The following PDE4D variants were observed in gnomAD, a reference collection of about 807,000 sequenced individuals.
The protein encoded by PDE4D is phosphodiesterase 4D.
Under a neutral mutation model 87.4 loss-of-function variants are expected in PDE4D, and 24 were observed. That is an observed-to-expected ratio of 0.27 (90% CI 0.20 to 0.39). The LOEUF (loss-of-function observed/expected upper bound fraction) is 0.39. PDE4D is among the 10% of genes least tolerant of loss of function. PDE4D has a pLI of 1.00. For missense variants in PDE4D, 714 were observed against 1,041.0 expected, an observed-to-expected ratio of 0.69 and a Z score of 4.32; for synonymous variants, 384 against 383.2, an observed-to-expected ratio of 1.00 and a Z score of -0.02.
At chr5:59,056,556 C>A (rs1276149433) in intron 5 of PDE4D, among the ~76,000 whole-genome samples, 1 of 152,018 alleles carries the variant, frequency 6.6e-6, no homozygotes, top group Non-Finnish European at 1.5e-5. Context: ...GGTTTTAAGA[C>A]CCGCATGCAT....
At chr5:60,410,580 G>A (rs1490340096) in intron 1 of PDE4D, among the ~76,000 whole-genome samples, 2 of 152,196 alleles carry the variant, frequency 1.3e-5, no homozygotes, top group Non-Finnish European at 2.9e-5. Flanking sequence ...CGCCCATCTG[G>A]ATGAGATGTC....
At chr5:59,357,881 C>T (rs892340436) in intron 1 of PDE4D, among the ~76,000 whole-genome samples, 3 of 152,154 alleles carry the variant, frequency 2.0e-5, no homozygotes, top group African/African-American at 7.2e-5. Context: ...CACTGCCCCG[C>T]GGGTGACCTC....
At chr5:60,201,465 T>C (rs1004213967) in intron 1 of PDE4D, among the ~76,000 whole-genome samples, 2 of 152,070 alleles carry the variant, frequency 1.3e-5, no homozygotes, top group Non-Finnish European at 2.9e-5. Context: ...TTAAAAAACA[T>C]GTTTCTAAAG....
chr5:59,386,829 T>C (rs1414673776), intron 1 of PDE4D, among the ~76,000 whole-genome samples: 1 of 152,078 alleles, frequency 6.6e-6, no homozygotes, highest in Admixed American at 6.6e-5. Context: ...CTACAAGAAT[T>C]CCTTTACCTT....
chr5:59,224,293 T>TACAC (rs35273659), intron 1 of PDE4D, among the ~76,000 whole-genome samples: 1,841 of 135,476 alleles, frequency 0.014, 20 homozygotes, highest in African/African-American at 0.025. Flanking sequence ...CACACACACA[T>TACAC]ACACACACAC....
upstream of PDE4D, chr5:60,491,613 G>C (rs1306123887): frequency 6.6e-6 from 1 of 152,172 alleles, no homozygotes; most frequent in Non-Finnish European, 1.5e-5. Context: ...CTTGCTCTTT[G>C]TCTAAGTTTC....
intron 1 of PDE4D, among the ~76,000 whole-genome samples, chr5:59,238,863 A>G (rs1331862184): frequency 6.6e-6 from 1 of 152,218 alleles, no homozygotes; most frequent in African/African-American, 2.4e-5. Context: ...GGTACTTTTG[A>G]CTTTAAGACA....
intron 1 of PDE4D, among the ~76,000 whole-genome samples, chr5:59,481,239 G>A (rs993995780): frequency 2.0e-5 from 3 of 152,004 alleles, no homozygotes; most frequent in African/African-American, 7.2e-5. Context: ...GGCATGCTAA[G>A]ACCTAACTCT....
chr5:59,000,183 T>A (rs1750200587), intron 6 of PDE4D, among the ~76,000 whole-genome samples: 1 of 152,212 alleles, frequency 6.6e-6, no homozygotes, highest in African/African-American at 2.4e-5. Context: ...CTTGCAGTGA[T>A]GAATAATGAC....
intron 1 of PDE4D, among the ~76,000 whole-genome samples, chr5:59,414,837 C>A (rs1336420851): frequency 6.6e-6 from 1 of 152,128 alleles, no homozygotes; most frequent in Non-Finnish European, 1.5e-5. Context: ...GTGTGGAGGG[C>A]CATGACAGCA....
chr5:59,388,868 A>G (rs1203501994), intron 1 of PDE4D, among the ~76,000 whole-genome samples: 1 of 152,098 alleles, frequency 6.6e-6, no homozygotes, highest in Non-Finnish European at 1.5e-5. Context: ...TGTAGCAAAT[A>G]TATTTCATCA....
At chr5:59,189,105 T>C (rs1430150034) in intron 3 of PDE4D, among the ~76,000 whole-genome samples, 1 of 152,114 alleles carries the variant, frequency 6.6e-6, no homozygotes, top group Non-Finnish European at 1.5e-5. Context: ...ATATTGGTTA[T>C]ATTTTATTAC....
intron 1 of PDE4D, among the ~76,000 whole-genome samples, chr5:59,723,363 C>T (rs1756128841): frequency 6.6e-6 from 1 of 152,060 alleles, no homozygotes; most frequent in African/African-American, 2.4e-5. Flanking sequence ...AGAGTAAATA[C>T]CTCATAGAAT....
chr5:59,081,518 T>TAAA (rs35050580), intron 5 of PDE4D, among the ~76,000 whole-genome samples: 5 of 135,438 alleles, frequency 3.7e-5, no homozygotes, highest in African/African-American at 1.4e-4. Flanking sequence ...AGTAATCAGG[T>TAAA]AAAAAAAAAA....
chr5:60,496,009 C>G (rs779888015), intron 1 of PDE4D, among the ~76,000 whole-genome samples: 7 of 152,208 alleles, frequency 4.6e-5, no homozygotes, highest in Non-Finnish European at 8.8e-5. Flanking sequence ...AGTCCACCAA[C>G]TTTGGCACAG....
At chr5:60,108,784 T>C (rs1366167254) in intron 2 of PDE4D, among the ~76,000 whole-genome samples, 1 of 152,098 alleles carries the variant, frequency 6.6e-6, no homozygotes, top group African/African-American at 2.4e-5. Flanking sequence ...TAATAAATGG[T>C]GCTGGGAAAA....
At chr5:59,258,566 T>A (rs1474625281) in intron 1 of PDE4D, among the ~76,000 whole-genome samples, 1 of 151,260 alleles carries the variant, frequency 6.6e-6, no homozygotes, top group Non-Finnish European at 1.5e-5. Flanking sequence ...TATATTTATT[T>A]CTTATCTTCT....
chr5:60,053,696 C>A (rs1016878598), intron 2 of PDE4D, among the ~76,000 whole-genome samples: 1 of 151,720 alleles, frequency 6.6e-6, no homozygotes, highest in Non-Finnish European at 1.5e-5. Flanking sequence ...CAAATGGAAT[C>A]TAATCAAAGA....
At chr5:60,325,357 T>G (rs1004017036) in intron 1 of PDE4D, among the ~76,000 whole-genome samples, 11 of 152,202 alleles carry the variant, frequency 7.2e-5, no homozygotes, top group African/African-American at 2.4e-4. Context: ...GATTTGTGCC[T>G]GATTGTATAT....
Sources: allele counts gnomAD v4.1 joint callset (sites outside exome capture counted in the v4.1 genomes callset), GRCh38; gene constraint gnomAD v4.1.1; transcripts MANE v1.5; gene names NCBI Gene and HGNC (gene_info 2026-07-23, HGNC 2026-07-21).